OPCML: variants seen among roughly 807,000 people sequenced by gnomAD.
OPCML encodes the protein opioid binding protein/cell adhesion molecule like, also known as opioid-binding protein/cell adhesion molecule.
In OPCML, 13 loss-of-function variants were observed where a neutral mutation model predicts 37.8. The ratio of observed to expected loss-of-function variants is 0.34; its 90% CI spans 0.22 to 0.55. The LOEUF (loss-of-function observed/expected upper bound fraction) is 0.55, where lower values mean the gene tolerates loss of function less well. OPCML is among the 20% of genes least tolerant of loss of function. The pLI, the probability that OPCML is intolerant of heterozygous loss-of-function variation, is 0.91. For missense variants in OPCML, 341 were observed against 435.6 expected (o/e 0.78, Z 1.93); for synonymous variants, 176 against 168.8 (o/e 1.04, Z -0.33).
chr11:133,248,224 C>A (rs548802839), intron 1 of OPCML, among the ~76,000 whole-genome samples: 1 of 152,086 alleles, frequency 6.6e-6, no homozygotes, highest in Non-Finnish European at 1.5e-5. Context: ...GAGCATGCCC[C>A]TTTTTTCAAA....
intron 2 of OPCML, among the ~76,000 whole-genome samples, chr11:132,839,883 G>A (rs1461076635): frequency 6.6e-6 from 1 of 152,102 alleles, no homozygotes; most frequent in South Asian, 2.1e-4. Flanking sequence ...CTGAGTGGAG[G>A]GTTTCTTGCT....
At chr11:132,509,864 C>T (rs989705768) in intron 4 of OPCML, among the ~76,000 whole-genome samples, 1 of 152,196 alleles carries the variant, frequency 6.6e-6, no homozygotes, top group Non-Finnish European at 1.5e-5. Flanking sequence ...AGAGTCCCTA[C>T]TGGGGCACTG....
At chr11:132,802,781 A>G (rs967677426) in intron 2 of OPCML, among the ~76,000 whole-genome samples, 1 of 152,146 alleles carries the variant, frequency 6.6e-6, no homozygotes, top group Non-Finnish European at 1.5e-5. Flanking sequence ...CCAGGGCCAT[A>G]GTAGAGCAAA....
chr11:133,373,424 A>AATATATATATAGATATATATATAT (rs1944721221), intron 1 of OPCML, among the ~76,000 whole-genome samples: 1 of 117,756 alleles, frequency 8.5e-6, no homozygotes, highest in African/African-American at 3.4e-5. Flanking sequence ...ACTTAATTAA[A>AATATATATATAGATATATATATAT]ATATATATAT....
intron 1 of OPCML, among the ~76,000 whole-genome samples, chr11:133,431,370 C>G (rs928253801): frequency 6.6e-6 from 1 of 152,138 alleles, no homozygotes; most frequent in Admixed American, 6.6e-5. Flanking sequence ...AGAGACACAG[C>G]TATTTGTTTT....
chr11:132,521,251 A>T (rs1293072614), intron 4 of OPCML, among the ~76,000 whole-genome samples: 1 of 151,812 alleles, frequency 6.6e-6, no homozygotes, highest in Non-Finnish European at 1.5e-5. Context: ...AAATTTCTTT[A>T]AGTTCCTTAT....
At chr11:132,989,153 CTG>C (rs1436416712) in intron 1 of OPCML, among the ~76,000 whole-genome samples, 1 of 152,276 alleles carries the variant, frequency 6.6e-6, no homozygotes, top group Admixed American at 6.5e-5. Flanking sequence ...TTCCCAAACT[CTG>C]TGACCCAGCG....
chr11:132,947,663 G>T (rs1029723868), intron 1 of OPCML, among the ~76,000 whole-genome samples: 3 of 152,176 alleles, frequency 2.0e-5, no homozygotes, highest in Non-Finnish European at 2.9e-5. Context: ...ATGAGCTGAG[G>T]TTCACAATGA....
chr11:132,495,106 T>C (rs1223932253), intron 4 of OPCML, among the ~76,000 whole-genome samples: 1 of 152,156 alleles, frequency 6.6e-6, no homozygotes, highest in East Asian at 1.9e-4. Flanking sequence ...TATCTGGATA[T>C]TCATTTTGCA....
At chr11:133,277,521 T>A (rs1433181290) in intron 1 of OPCML, among the ~76,000 whole-genome samples, 2 of 152,186 alleles carry the variant, frequency 1.3e-5, no homozygotes, top group Non-Finnish European at 2.9e-5. Flanking sequence ...AACACCACTG[T>A]TGCTGTTGGG....
chr11:133,029,711 G>A (rs1947630094), intron 1 of OPCML, among the ~76,000 whole-genome samples: 1 of 152,000 alleles, frequency 6.6e-6, no homozygotes, highest in Non-Finnish European at 1.5e-5. Context: ...AGACTCTAGG[G>A]TTTCAAAAAG....
chr11:133,312,903 T>C (rs1490168308), intron 1 of OPCML, among the ~76,000 whole-genome samples: 1 of 152,208 alleles, frequency 6.6e-6, no homozygotes, highest in Non-Finnish European at 1.5e-5. Flanking sequence ...GATTAAAGGA[T>C]AGGCGGTATA....
At chr11:133,245,297 T>C (rs1391278307) in intron 1 of OPCML, among the ~76,000 whole-genome samples, 1 of 152,260 alleles carries the variant, frequency 6.6e-6, no homozygotes, top group Admixed American at 6.5e-5. Context: ...AATTCAGTTC[T>C]GTAAGGAACT....
At chr11:132,639,809 A>G (rs746926751) in intron 3 of OPCML, among the ~76,000 whole-genome samples, 1 of 152,208 alleles carries the variant, frequency 6.6e-6, no homozygotes, top group South Asian at 2.1e-4. Context: ...AGATGTAAGC[A>G]TAACCTTCCT....
At chr11:133,254,246 A>T (rs1002626376) in intron 1 of OPCML, among the ~76,000 whole-genome samples, 1 of 152,174 alleles carries the variant, frequency 6.6e-6, no homozygotes, top group Non-Finnish European at 1.5e-5. Context: ...GGGGAAGCAC[A>T]TTTTGGGCAG....
intron 2 of OPCML, among the ~76,000 whole-genome samples, chr11:132,739,302 C>A (rs1393390288): frequency 6.6e-6 from 1 of 152,190 alleles, no homozygotes; most frequent in African/African-American, 2.4e-5. Flanking sequence ...TTCCTTCCCA[C>A]GTGTTTGCAT....
At chr11:133,424,816 G>A (rs1945967568) in intron 1 of OPCML, among the ~76,000 whole-genome samples, 1 of 152,160 alleles carries the variant, frequency 6.6e-6, no homozygotes, top group African/African-American at 2.4e-5. Flanking sequence ...GCAAAACAAT[G>A]TATGCATCTG....
intron 2 of OPCML, among the ~76,000 whole-genome samples, chr11:132,768,809 G>A (rs1255407303): frequency 6.6e-6 from 1 of 152,152 alleles, no homozygotes; most frequent in Non-Finnish European, 1.5e-5. Context: ...CCCAGGTGAA[G>A]TTCCTTAAAT....
At chr11:133,250,255 T>C (rs1456633189) in intron 1 of OPCML, among the ~76,000 whole-genome samples, 2 of 152,220 alleles carry the variant, frequency 1.3e-5, no homozygotes, top group African/African-American at 2.4e-5. Flanking sequence ...CAATTAGAAA[T>C]GTTACTTGAG....
Sources: allele counts gnomAD v4.1 joint callset (sites outside exome capture counted in the v4.1 genomes callset), GRCh38; gene constraint gnomAD v4.1.1; transcripts MANE v1.5; gene names NCBI Gene and HGNC (gene_info 2026-07-23, HGNC 2026-07-21).